PCDHGA8: variants seen among roughly 807,000 people sequenced by gnomAD.
The protein encoded by PCDHGA8 is protocadherin gamma subfamily A, 8.
Under a neutral mutation model 59.2 loss-of-function variants are expected in PCDHGA8, and 45 were observed. The observed-to-expected ratio is 0.76, with a 90% CI of 0.60 to 0.98. The LOEUF is 0.98. Ranked by LOEUF, PCDHGA8 falls within the 50% of genes least tolerant of loss-of-function variation. The pLI is 0.00. For missense variants in PCDHGA8, 1,257 were observed against 1,196.2 expected (o/e 1.05, Z -0.75); for synonymous variants, 531 against 519.0 (o/e 1.02, Z -0.32).
intron 1 of PCDHGA8, chr5:141,399,412 T>A: frequency 6.2e-7 from 1 of 1,613,948 alleles, no homozygotes; most frequent in Non-Finnish European, 8.5e-7. Flanking sequence ...GCCGCCCCTC[T>A]CCTCCAGCAT....
Position 141,432,480 on chromosome 5 carries a change from G to T in PCDHGA8, c.2424+37243G>T, listed in dbSNP as rs775075732. On this transcript the variant is annotated intron_variant, in intron 1 of 3. Transcript: ENST00000398604. This position sits in a 1 kb window ranked among gnomAD's most constrained non-coding sequence, Gnocchi z 6.0. ...GCCCTCCCCACGGACGGTTCCACTG[G>T]CGTGGAGCTGGCTCCCCGCTCCGCA... The T allele has an allele frequency of 1.9e-6, 3 of 1,614,180 alleles. No individual in the cohort carries two copies. The highest frequency in any genetic ancestry group is 2.2e-5 in the South Asian group (2 of 91,078).
chr5:141,422,011 G>T (rs200879435), intron 1 of PCDHGA8: 2 of 1,610,252 alleles, frequency 1.2e-6, no homozygotes, highest in East Asian at 2.2e-5. Flanking sequence ...CGGAACTCGG[G>T]TGCTGATGGT....
chr5:141,448,505 T>C (rs1041076095), intron 1 of PCDHGA8, among the ~76,000 whole-genome samples: 24 of 152,172 alleles, frequency 1.6e-4, no homozygotes, highest in African/African-American at 5.8e-4. Flanking sequence ...AGGTAAACAT[T>C]TTATAACTTT....
rs200601557 is a variant in PCDHGA8, at chr5:141,432,538, G to A, written c.2424+37301G>A. 5.0e-6 allele frequency: 8 copies of A among 1,613,908 alleles called. No homozygotes were observed. The highest frequency in any genetic ancestry group is 1.7e-5 in the Admixed American group (1 of 60,012). On this transcript the variant is annotated intron_variant, in intron 1 of 3. Coordinates refer to ENST00000398604, the MANE Select transcript of PCDHGA8 (RefSeq NM_032088.2). The surrounding 1 kb of genome is among the most constrained non-coding windows in gnomAD (Gnocchi z 6.0). ...GCTACCTGGTGACCAAGGTGGTGGCGGTGGACAGAGACTCCGGCCAGAACG... is the reference window on the plus strand; with the variant it reads ...GCTACCTGGTGACCAAGGTGGTGGCAGTGGACAGAGACTCCGGCCAGAACG...
intron 1 of PCDHGA8, among the ~76,000 whole-genome samples, chr5:141,480,839 G>A (rs1397361640): frequency 6.6e-6 from 1 of 152,196 alleles, no homozygotes; most frequent in Non-Finnish European, 1.5e-5. Context: ...AAGATCAGGA[G>A]TTTGAGACCA....
chr5:141,394,799 A>G lies in PCDHGA8; in HGVS notation c.1986A>G (p.Val662=). The change falls in exon 1 of 4, where the codon GTA becomes GTG. Residue 662 remains valine (V), a synonymous_variant. Transcript: ENST00000398604. The part of the protein sequence containing the change: ...PPLSATVTLT[V]AVADSIPEVL... ...TCTCCGCCACTGTCACGCTCACCGT[A>G]GCCGTGGCTGACAGCATCCCCGAAG... 3.1e-6 allele frequency: 5 copies of G among 1,613,808 alleles called. No individual in the cohort carries two copies. The highest frequency in any genetic ancestry group is 1.7e-5 in the Admixed American group (1 of 60,032).
chr5:141,413,319 C>T, intron 1 of PCDHGA8: 1 of 1,613,960 alleles, frequency 6.2e-7, no homozygotes, highest in South Asian at 1.1e-5. Context: ...AAGGCTCTTT[C>T]GTGGGCAACA....
At position 141,487,557 on chromosome 5, in the gene PCDHGA8, T is replaced by C. The variant is rs751511771; in HGVS notation, c.2425-7250T>C. On this transcript the variant is annotated intron_variant, in intron 1 of 3. Coordinates refer to ENST00000398604, the MANE Select transcript of PCDHGA8 (RefSeq NM_032088.2). The surrounding 1 kb of genome is among the most constrained non-coding windows in gnomAD (Gnocchi z 5.0). The stretch of plus-strand genomic sequence containing the variant: ...ATGGTGAAGTCACCCAGTGCACCTA[T>C]GGCAGGGGAGCCTGTTCGCCCAAGC... The C allele has an allele frequency of 1.9e-5, 31 of 1,614,060 alleles. No homozygotes were observed. In the East Asian group the frequency reaches 4.2e-4, roughly 22 times the overall value.
rs947567666 is a variant in PCDHGA8, at chr5:141,422,270, T to C, written c.2424+27033T>C. ...GATGTGAATGATAACGCTCCAGAAA[T>C]AACTATCACCTCTTCTATTAATTCA... On this transcript the variant is annotated intron_variant, in intron 1 of 3. Transcript: ENST00000398604. 2.6e-6 allele frequency: 4 copies of C among 1,562,452 alleles called. No homozygotes were observed. The East Asian group carries it at 9.0e-5, about 35-fold the overall frequency.
chr5:141,507,601 A>G (rs2099861935), intron 3 of PCDHGA8, among the ~76,000 whole-genome samples: 1 of 152,254 alleles, frequency 6.6e-6, no homozygotes, highest in South Asian at 2.1e-4. Flanking sequence ...TGAGGGAAAT[A>G]AACAGGTATA....
Position 141,399,778 on chromosome 5 carries a change from C to G in PCDHGA8, c.2424+4541C>G, listed in dbSNP as rs187080333. ...GAGCCTGCGCGTGTTGGTGGGCGACCGAAACGACAACGCACCGCGGGTGCT... is the reference window on the plus strand; with the variant it reads ...GAGCCTGCGCGTGTTGGTGGGCGACGGAAACGACAACGCACCGCGGGTGCT... On this transcript the variant is annotated intron_variant, in intron 1 of 3. Coordinates refer to ENST00000398604, the MANE Select transcript of PCDHGA8 (RefSeq NM_032088.2). The G allele has an allele frequency of 3.4e-4, 542 of 1,613,250 alleles. 2 individuals are homozygous for G. The African/African-American group carries it at 5.6e-3, about 17-fold the overall frequency.
rs566635689 is a variant in PCDHGA8, at chr5:141,469,738, C to G, written c.2425-25069C>G. ...AGGAATTTATCATAAATACACACCT[C>G]AAAAATTACAAAAATACATATATAC... is the stretch of plus-strand genomic sequence containing the variant. On this transcript the variant is annotated intron_variant, in intron 1 of 3. Transcript: ENST00000398604. 6.7e-4 allele frequency among the ~76,000 whole-genome samples: 102 copies of G among 152,292 alleles called. 2 individuals are homozygous for G. Among genetic ancestry groups the G allele is most frequent in the African/African-American group, 2.4e-3 (99 of 41,552 alleles).
chr5:141,505,348 G>C, intron 2 of PCDHGA8, 45 bp from the exon 3 acceptor site: 1 of 1,613,358 alleles, frequency 6.2e-7, no homozygotes, highest in Non-Finnish European at 8.5e-7. Flanking sequence ...GGCATGAGCT[G>C]TGCCGGCCTG....
intron 1 of PCDHGA8, among the ~76,000 whole-genome samples, chr5:141,492,118 TC>T (rs1338861093): frequency 6.6e-6 from 1 of 152,176 alleles, no homozygotes; most frequent in Non-Finnish European, 1.5e-5. Flanking sequence ...CTTCGATTTC[TC>T]CCCAGCTCCC....
intron 1 of PCDHGA8, among the ~76,000 whole-genome samples, chr5:141,429,759 C>T (rs1233949322): frequency 6.6e-6 from 1 of 151,946 alleles, no homozygotes; most frequent in East Asian, 1.9e-4. Flanking sequence ...GAATTTTTTC[C>T]CTATATTTTG....
At chr5:141,465,323 G>A (rs757662972) in intron 1 of PCDHGA8, among the ~76,000 whole-genome samples, 1 of 152,138 alleles carries the variant, frequency 6.6e-6, no homozygotes, top group Non-Finnish European at 1.5e-5. Flanking sequence ...TGTCAATGCA[G>A]TATTTTTTAT....
rs2099701571 is a variant in PCDHGA8, at chr5:141,490,550, A to G, written c.2425-4257A>G. On this transcript the variant is annotated intron_variant, in intron 1 of 3. Coordinates refer to ENST00000398604, the MANE Select transcript of PCDHGA8 (RefSeq NM_032088.2). This position sits in a 1 kb window ranked among gnomAD's most constrained non-coding sequence, Gnocchi z 5.4. ...GCTGGTTCACCTTCCCTACACAAACATCTCACCATCAGGCTCAACATTTCA... is the reference window on the plus strand; with the variant it reads ...GCTGGTTCACCTTCCCTACACAAACGTCTCACCATCAGGCTCAACATTTCA... 1 of 1,614,092 alleles carries G rather than the reference A, an allele frequency of 6.2e-7. No individual in the cohort carries two copies.
chr5:141,511,361 G>C lies in PCDHGA8; in HGVS notation c.*188G>C, dbSNP rs2099883750. 7.4e-7 allele frequency: 1 copy of C among 1,345,388 alleles called. No individual in the cohort carries two copies. Among genetic ancestry groups the C allele is most frequent in the Non-Finnish European group, 9.9e-7 (1 of 1,006,550 alleles). The allele number at this position is 1,345,388 out of a possible 1,614,324, so 83.3% of individuals were successfully genotyped here. On this transcript the variant is annotated 3_prime_UTR_variant, in exon 4 of 4. Transcript: ENST00000398604. ...CCTACCCCTTCCCCCCCAGGGGGTTGAATATGCAAAAGCAGTTCCGCTGGG... is the reference window on the plus strand; with the variant it reads ...CCTACCCCTTCCCCCCCAGGGGGTTCAATATGCAAAAGCAGTTCCGCTGGG...
chr5:141,395,403 A>C (rs1383871945), intron 1 of PCDHGA8, 166 bp downstream of exon 1: 7 of 849,376 alleles, frequency 8.2e-6, no homozygotes, highest in Non-Finnish European at 1.2e-5. Context: ...TCTAATAGTC[A>C]TAGGTTATTG....
Sources: gnomAD v4.1 joint callset for allele counts (sites outside exome capture counted in the v4.1 genomes callset) on GRCh38, gnomAD v4.1.1 for gene constraint, Gnocchi (gnomAD v3.1) non-coding constraint, MANE v1.5 for transcripts, NCBI Gene and HGNC (gene_info 2026-07-23, HGNC 2026-07-21) for gene names.